Variants in ANKS1B observed in about 807,000 individuals in gnomAD.
ANKS1B encodes the protein ankyrin repeat and sterile alpha motif domain containing 1B.
Under a neutral mutation model 148.3 loss-of-function variants are expected in ANKS1B, and 36 were observed. That is an observed-to-expected ratio of 0.24 (90% CI 0.19 to 0.32). The LOEUF is 0.32. Ranked by LOEUF, ANKS1B falls within the 10% of genes least tolerant of loss-of-function variation. The probability of loss-of-function intolerance (pLI) is 1.00; values close to 1 mark genes in which losing one functional copy is unlikely to be tolerated. For missense variants in ANKS1B, 1,157 were observed against 1,542.6 expected, an observed-to-expected ratio of 0.75 and a Z score of 4.19; for synonymous variants, 542 against 560.8, an observed-to-expected ratio of 0.97 and a Z score of 0.47.
At chr12:99,630,823 T>C (rs887556881) in intron 9 of ANKS1B, among the ~76,000 whole-genome samples, 2 of 152,192 alleles carry the variant, frequency 1.3e-5, no homozygotes, top group African/African-American at 4.8e-5. Flanking sequence ...TCACCAGCTC[T>C]GGCCCCTTGA....
chr12:99,778,030 C>T (rs1453503574), intron 6 of ANKS1B, among the ~76,000 whole-genome samples: 1 of 151,696 alleles, frequency 6.6e-6, no homozygotes, highest in Non-Finnish European at 1.5e-5. Flanking sequence ...AACTCCGTCT[C>T]TACTAAAAAT....
intron 14 of ANKS1B, chr12:99,154,931 C>A: frequency 6.5e-7 from 1 of 1,535,354 alleles, no homozygotes; most frequent in African/African-American, 1.4e-5. Flanking sequence ...TTTTTGTCTG[C>A]AAGCTGTAAG....
At chr12:99,739,459 G>A (rs552250919) in intron 8 of ANKS1B, among the ~76,000 whole-genome samples, 1 of 151,918 alleles carries the variant, frequency 6.6e-6, no homozygotes, top group Admixed American at 6.6e-5. Flanking sequence ...TGACTCCAGG[G>A]ACTAACTGTA....
intron 1 of ANKS1B, among the ~76,000 whole-genome samples, chr12:99,963,088 C>T (rs2095438226): frequency 6.6e-6 from 1 of 152,222 alleles, no homozygotes; most frequent in African/African-American, 2.4e-5. Flanking sequence ...GCTGGGATTA[C>T]AGGCGTGAGC....
intron 16 of ANKS1B, among the ~76,000 whole-genome samples, chr12:99,076,529 T>G (rs1294909999): frequency 6.6e-6 from 1 of 152,162 alleles, no homozygotes; most frequent in Non-Finnish European, 1.5e-5. Context: ...AAATAAGTGC[T>G]GAACACTGAA....
chr12:99,224,257 C>G (rs182555702), intron 14 of ANKS1B, among the ~76,000 whole-genome samples: 35 of 152,270 alleles, frequency 2.3e-4, no homozygotes, highest in Admixed American at 4.6e-4. Context: ...GGAGAGGTAA[C>G]AGAATAATAA....
At chr12:99,041,693 T>G (rs1300034129) in intron 17 of ANKS1B, among the ~76,000 whole-genome samples, 1 of 152,102 alleles carries the variant, frequency 6.6e-6, no homozygotes, top group Non-Finnish European at 1.5e-5. Context: ...AAATCTCTCT[T>G]CTTTTCTCTA....
rs1406966394 is a variant in ANKS1B, at chr12:99,210,619, T to C, written c.2419+33723A>G. 4.6e-5 allele frequency among the ~76,000 whole-genome samples: 7 copies of C among 152,350 alleles called. No homozygotes were observed. In the East Asian group the frequency reaches 1.4e-3, roughly 29 times the overall value. ...TCTAGACTCACATGTTTTTACTCCCTGCCTTGCTGACACTTCTTATTGCAC... is the reference window on the plus strand; with the variant it reads ...TCTAGACTCACATGTTTTTACTCCCCGCCTTGCTGACACTTCTTATTGCAC... On this transcript the variant is annotated intron_variant, in intron 14 of 26. Coordinates refer to ENST00000683438, the MANE Select transcript of ANKS1B (RefSeq NM_001352186.2).
At chr12:99,003,513 C>T (rs969256243) in intron 17 of ANKS1B, among the ~76,000 whole-genome samples, 4 of 152,170 alleles carry the variant, frequency 2.6e-5, no homozygotes, top group African/African-American at 9.7e-5. Context: ...AGATTGGCTG[C>T]TGGGCTTCTC....
intron 11 of ANKS1B, among the ~76,000 whole-genome samples, chr12:99,442,781 AAAT>A (rs2095571196): frequency 6.6e-6 from 1 of 151,980 alleles, no homozygotes; most frequent in African/African-American, 2.4e-5. Context: ...ATTTAGACCT[AAAT>A]AGTCTTAAAA....
At position 99,084,905 on chromosome 12, in the gene ANKS1B, G is replaced by A; in HGVS notation, c.2625+20C>T. 6.3e-7 allele frequency: 1 copy of A among 1,582,836 alleles called. No individual in the cohort carries two copies. Among genetic ancestry groups the A allele is most frequent in the Non-Finnish European group, 8.6e-7 (1 of 1,158,460 alleles). ...ACTGGGAACCGTACACAGGACTAGG[G>A]CAATAAAAGTATTGCTCACCTTTGG... On this transcript the variant is annotated intron_variant, in intron 16 of 26. Coordinates refer to ENST00000683438, the MANE Select transcript of ANKS1B (RefSeq NM_001352186.2).
intron 17 of ANKS1B, among the ~76,000 whole-genome samples, chr12:99,044,588 T>C (rs1277336781): frequency 6.6e-6 from 1 of 152,044 alleles, no homozygotes; most frequent in Non-Finnish European, 1.5e-5. Context: ...AGTTAGCATA[T>C]CAAGCAGGGC....
chr12:99,679,288 A>G (rs2098600039), intron 8 of ANKS1B, among the ~76,000 whole-genome samples: 1 of 152,124 alleles, frequency 6.6e-6, no homozygotes, highest in African/African-American at 2.4e-5. Context: ...AGATAATCTG[A>G]TGATTTTTGA....
chr12:99,063,852 T>C (rs984676719), intron 16 of ANKS1B, among the ~76,000 whole-genome samples: 1 of 152,216 alleles, frequency 6.6e-6, no homozygotes, highest in Non-Finnish European at 1.5e-5. Flanking sequence ...AAACTCTCTG[T>C]GTTGTGCATC....
At chr12:99,723,229 C>T (rs971488005) in intron 8 of ANKS1B, among the ~76,000 whole-genome samples, 2 of 152,230 alleles carry the variant, frequency 1.3e-5, no homozygotes, top group Non-Finnish European at 2.9e-5. Flanking sequence ...AGCACTGGGA[C>T]TGATAGCTGC....
intron 11 of ANKS1B, among the ~76,000 whole-genome samples, chr12:99,442,497 G>A (rs2152792817): frequency 1.4e-5 from 2 of 140,758 alleles, no homozygotes; most frequent in Admixed American, 1.4e-4. Flanking sequence ...GACTGGAAGA[G>A]GCAAATATAC....
chr12:99,169,756 G>T (rs1412286227), intron 14 of ANKS1B, among the ~76,000 whole-genome samples: 1 of 152,134 alleles, frequency 6.6e-6, no homozygotes, highest in Non-Finnish European at 1.5e-5. Context: ...TAGTACTATT[G>T]TTATCATCTC....
chr12:99,364,282 T>C (rs2092650740), intron 12 of ANKS1B, among the ~76,000 whole-genome samples: 1 of 152,124 alleles, frequency 6.6e-6, no homozygotes, highest in African/African-American at 2.4e-5. Flanking sequence ...TATATATTTG[T>C]TTATTGTACA....
chr12:98,930,963 TC>T (rs1368779952), intron 17 of ANKS1B, among the ~76,000 whole-genome samples: 1 of 152,088 alleles, frequency 6.6e-6, no homozygotes, highest in Non-Finnish European at 1.5e-5. Context: ...CTTTTTTTTT[TC>T]TCCCCTATTG....
Sources: allele counts gnomAD v4.1 joint callset (sites outside exome capture counted in the v4.1 genomes callset), GRCh38; gene constraint gnomAD v4.1.1; transcripts MANE v1.5; gene names NCBI Gene and HGNC (gene_info 2026-07-23, HGNC 2026-07-21).